The following RNF123 variants were observed in gnomAD, a reference collection of about 807,000 sequenced individuals.
RNF123 encodes the protein E3 ubiquitin-protein ligase RNF123.
Under a neutral mutation model 168.5 loss-of-function variants are expected in RNF123, and 86 were observed. That is an observed-to-expected ratio of 0.51 (90% CI 0.43 to 0.61). The LOEUF (loss-of-function observed/expected upper bound fraction) is 0.61, where lower values mean the gene tolerates loss of function less well. Among genes scored for constraint, RNF123 ranks in the 20% least tolerant of loss-of-function variants. The probability of loss-of-function intolerance (pLI) is 0.00; values close to 1 mark genes in which losing one functional copy is unlikely to be tolerated. For missense variants in RNF123, 1,419 were observed against 1,729.7 expected (o/e 0.82, Z 3.19); for synonymous variants, 666 against 689.1 (o/e 0.97, Z 0.52).
chr3:49,703,556 A>T lies in RNF123; in HGVS notation c.1852+28A>T, dbSNP rs201534843. ...GTGTACAGGCCTGTGGGCCGGGAGC[A>T]GTTCTGGGGCCAGGTGGGGGACTGT... On this transcript the variant is annotated intron_variant, in intron 21 of 38. Transcript: ENST00000327697. 11 of 1,584,274 alleles carry T rather than the reference A, an allele frequency of 6.9e-6. No homozygotes were observed. The African/African-American group carries it at 1.3e-4, about 19-fold the overall frequency.
At chr3:49,719,817 G>GTT in intron 35 of RNF123, 1 of 250,338 alleles carries the variant, frequency 4.0e-6, no homozygotes, top group Non-Finnish European at 8.2e-6. Context: ...GCCAGATGGG[G>GTT]AGCAAGGCCA....
chr3:49,702,874 C>G, intron 20 of RNF123, 121 bp downstream of exon 20: 1 of 1,470,968 alleles, frequency 6.8e-7, no homozygotes, highest in South Asian at 1.2e-5. Flanking sequence ...TCCCCGGCAT[C>G]CTGCCTGGTT....
Position 49,713,944 on chromosome 3 carries a change from T to C in RNF123, c.2872T>C (p.Tyr958His). The change falls in exon 30 of 39, where the codon TAT becomes CAT. Residue 958 changes from tyrosine (Y) to histidine (H), a missense_variant. Transcript: ENST00000327697. The part of the protein sequence containing the change: ...IAMVRNLLAP[Y>H]EQRPWAQTNW... ...CATGGTGAGGAACCTCCTGGCGCCC[T>C]ATGAGCAGCGGCCCTGGGCCCAGAC... is the stretch of plus-strand genomic sequence containing the variant. 6.2e-7 allele frequency: 1 copy of C among 1,613,914 alleles called. No individual in the cohort carries two copies. Among genetic ancestry groups the C allele is most frequent in the Non-Finnish European group, 8.5e-7 (1 of 1,179,944 alleles).
chr3:49,716,557 T>C, intron 35 of RNF123, 80 bp downstream of exon 35: 3 of 1,190,170 alleles, frequency 2.5e-6, no homozygotes, highest in Non-Finnish European at 3.7e-6. Flanking sequence ...TCCTGGTACT[T>C]CAGTTTCCTC....
In RNF123 at chr3:49,713,617, G is replaced by T. The variant is rs1559685555; in HGVS notation, c.2749+30G>T. Reference sequence around the variant, plus strand: ...GGGGCCCCTACAGAGGGTACAGGGGGAGGGGGATGGGATGGCACCTCTGGT... The same window carrying T: ...GGGGCCCCTACAGAGGGTACAGGGGTAGGGGGATGGGATGGCACCTCTGGT... On this transcript the variant is annotated intron_variant, in intron 28 of 38. Transcript: ENST00000327697. The T allele has an allele frequency of 3.1e-6, 5 of 1,603,834 alleles. No individual in the cohort carries two copies. The Admixed American group carries it at 5.1e-5, about 16-fold the overall frequency.
rs751778705 is a variant in RNF123 at position 49,691,161 on chromosome 3, G to A, written c.-5G>A. ...GGACCACTGGCTGCCCATGAGAGAT[G>A]AAGGATGGCATCCAAGGGGGCCGGC... On this transcript the variant is annotated 5_prime_UTR_variant, in exon 2 of 39. The change abolishes an upstream ATG in the 5' untranslated region. Transcript: ENST00000327697. 6.2e-7 allele frequency: 1 copy of A among 1,613,602 alleles called. No individual in the cohort carries two copies. Among genetic ancestry groups the A allele is most frequent in the South Asian group, 1.1e-5 (1 of 91,060 alleles).
rs143394687 is a variant in RNF123, at chr3:49,698,766, G to A, written c.582G>A (p.Ala194=). ...TCCTCTCATGGCAGGCGTGGGCAGC[G>A]GGGGACATCGTGAGCTGCCTGATTG... ...TTTNYGKAWA[A]GDIVSCLIDL... is the part of the protein sequence containing the mutation. Residue 194 remains alanine (A), a synonymous_variant, in exon 9 of 39, where the codon GCG becomes GCA. Coordinates refer to ENST00000327697, the MANE Select transcript of RNF123 (RefSeq NM_022064.5). 1.1e-3 allele frequency: 1,809 copies of A among 1,613,658 alleles called. No individual in the cohort carries two copies. Among genetic ancestry groups the A allele is most frequent in the Non-Finnish European group, 1.3e-3 (1,574 of 1,179,854 alleles).
intron 12 of RNF123, 134 bp from the exon 13 acceptor site, chr3:49,700,093 T>C: frequency 7.8e-7 from 1 of 1,287,092 alleles, no homozygotes; most frequent in Non-Finnish European, 1.1e-6. Context: ...CCGGAAGGGG[T>C]CATCTATGTT....
intron 35 of RNF123, 155 bp from the exon 36 acceptor site, chr3:49,720,356 G>T (rs1458074403): frequency 1.6e-5 from 10 of 625,410 alleles, no homozygotes; most frequent in Non-Finnish European, 2.5e-5. Context: ...CACCTTACTA[G>T]AATACAGGAC....
intron 15 of RNF123, among the ~76,000 whole-genome samples, 162 bp from the exon 16 acceptor site, chr3:49,701,329 T>G (rs552996113): frequency 6.6e-6 from 1 of 152,334 alleles, no homozygotes; most frequent in Non-Finnish European, 1.5e-5. Context: ...CAGCTTTTTG[T>G]CAGGGAGCAT....
chr3:49,703,980 G>A (rs1212720956), intron 21 of RNF123, among the ~76,000 whole-genome samples: 3 of 152,196 alleles, frequency 2.0e-5, no homozygotes, highest in East Asian at 3.9e-4. Context: ...CCACACAGGA[G>A]ATAAGGGCCT....
chr3:49,693,036 G>GTT (rs1199106015), intron 3 of RNF123, among the ~76,000 whole-genome samples: 2 of 141,966 alleles, frequency 1.4e-5, no homozygotes, highest in African/African-American at 2.6e-5. Flanking sequence ...TTTTAGTTTA[G>GTT]TTTTTTTTTT....
chr3:49,699,330 T>C lies in RNF123; in HGVS notation c.765-138T>C. The C allele has an allele frequency of 1.1e-6, 1 of 939,670 alleles. No homozygotes were observed. The highest frequency in any genetic ancestry group is 1.6e-6 in the Non-Finnish European group (1 of 618,682). 58.2% of individuals were successfully genotyped at this position (939,670 alleles called of 1,614,324 possible). On this transcript the variant is annotated intron_variant, in intron 10 of 38. Transcript: ENST00000327697. This position sits in a 1 kb window ranked among gnomAD's most constrained non-coding sequence, Gnocchi z 4.8. ...GATGAGGAATGTGAAGCATCCTCCC[T>C]AGGGAGAATAAGTGGGCAAGTTGTG... is the stretch of plus-strand genomic sequence containing the variant.
chr3:49,717,863 A>G (rs2080278553), intron 35 of RNF123: 1 of 1,414,996 alleles, frequency 7.1e-7, no homozygotes, highest in Admixed American at 2.0e-5. Context: ...AGTGCTTCCC[A>G]CCAGTATCTG....
intron 35 of RNF123, chr3:49,716,797 G>A (rs541846633): frequency 3.2e-5 from 10 of 313,346 alleles, no homozygotes; most frequent in Middle Eastern, 9.4e-4. Context: ...GGGCCAGGCC[G>A]CCAGGAGAGC....
chr3:49,721,307 C>A lies in RNF123; in HGVS notation c.*2C>A, dbSNP rs2080401613. 6.2e-7 allele frequency: 1 copy of A among 1,614,164 alleles called. No homozygotes were observed. Among genetic ancestry groups the A allele is most frequent in the Non-Finnish European group, 8.5e-7 (1 of 1,180,014 alleles). On this transcript the variant is annotated 3_prime_UTR_variant, in exon 39 of 39. Transcript: ENST00000327697. ...AGTACTACCTCCTCAGCTGCCTAGC[C>A]CTCACAGCCTGTGCCATCCTGGAAC...
chr3:49,715,624 G>C lies in RNF123; in HGVS notation c.3060G>C (p.Gln1020His), dbSNP rs2080226564. 1 of 1,614,152 alleles carries C rather than the reference G, an allele frequency of 6.2e-7. No individual in the cohort carries two copies. Among genetic ancestry groups the C allele is most frequent in the Non-Finnish European group, 8.5e-7 (1 of 1,180,018 alleles). ...AGCAGCACATGGCGGACCTCCTACA[G>C]CAGGGTCCTGATGTGGCACCCAGCT... The part of the protein sequence containing the change: ...LLQQHMADLL[Q>H]QGPDVAPSFL... The change falls in exon 32 of 39, where the codon CAG becomes CAC. Residue 1020 changes from glutamine (Q) to histidine (H), a missense_variant. Coordinates refer to ENST00000327697, the MANE Select transcript of RNF123 (RefSeq NM_022064.5).
chr3:49,698,697 TCA>T, intron 8 of RNF123, 56 bp from the exon 9 acceptor site: 1 of 1,592,434 alleles, frequency 6.3e-7, no homozygotes, highest in South Asian at 1.1e-5. Flanking sequence ...CAGCTGGGGT[TCA>T]GAGTCAGCAG....
chr3:49,714,664 G>T (rs1452879939), intron 31 of RNF123, among the ~76,000 whole-genome samples: 1 of 152,218 alleles, frequency 6.6e-6, no homozygotes, highest in African/African-American at 2.4e-5. Context: ...TCCCCAGAGG[G>T]TATTCACGAG....
Sources: gnomAD v4.1 joint callset for allele counts (sites outside exome capture counted in the v4.1 genomes callset) on GRCh38, gnomAD v4.1.1 for gene constraint, Gnocchi (gnomAD v3.1) non-coding constraint, MANE v1.5 for transcripts, NCBI Gene and HGNC (gene_info 2026-07-23, HGNC 2026-07-21) for gene names.